The following OTUD7A variants were observed in gnomAD, a reference collection of about 807,000 sequenced individuals.
The protein encoded by OTUD7A is OTU deubiquitinase 7A.
In OTUD7A, 12 loss-of-function variants were observed where a neutral mutation model predicts 65.7. The ratio of observed to expected loss-of-function variants is 0.18; its 90% confidence interval spans 0.12 to 0.30. OTUD7A has a LOEUF of 0.30. Ranked by LOEUF, OTUD7A falls within the 10% of genes least tolerant of loss-of-function variation. OTUD7A has a pLI of 1.00. For missense variants in OTUD7A, 1,148 were observed against 1,304.8 expected (o/e 0.88, Z 1.85); for synonymous variants, 641 against 586.3 (o/e 1.09, Z -1.35).
chr15:31,673,373 C>T (rs1892527996), intron 1 of OTUD7A, among the ~76,000 whole-genome samples: 1 of 152,214 alleles, frequency 6.6e-6, no homozygotes, highest in Admixed American at 6.5e-5. Flanking sequence ...CATGGTAACA[C>T]TTGTTCTGAC....
intron 8 of OTUD7A, among the ~76,000 whole-genome samples, chr15:31,512,193 T>C (rs978565122): frequency 2.6e-5 from 4 of 152,174 alleles, no homozygotes; most frequent in Non-Finnish European, 5.9e-5. Context: ...TGTGCACAGT[T>C]TTCTGGTTCA....
At chr15:31,854,508 C>T (rs1897516488) in intron 1 of OTUD7A, among the ~76,000 whole-genome samples, 1 of 152,150 alleles carries the variant, frequency 6.6e-6, no homozygotes, top group Admixed American at 6.5e-5. Context: ...AGCTCTTGGT[C>T]CCCCACCTCC....
chr15:31,651,483 A>T (rs1363591385), intron 3 of OTUD7A, among the ~76,000 whole-genome samples: 2 of 152,010 alleles, frequency 1.3e-5, no homozygotes, highest in African/African-American at 2.4e-5. Flanking sequence ...TAAGACAAGA[A>T]AACCAGAAAG....
chr15:31,484,230 G>A lies in OTUD7A; in HGVS notation c.1866C>T (p.Ser622=), dbSNP rs1436524202. 2 of 1,605,362 alleles carry A rather than the reference G, an allele frequency of 1.2e-6. No individual in the cohort carries two copies. Among genetic ancestry groups the A allele is most frequent in the South Asian group, 2.2e-5 (2 of 90,434 alleles). Residue 622 remains serine (S), a synonymous_variant, in exon 13 of 13, where the codon AGC becomes AGT. Transcript: ENST00000307050. This position sits in a 1 kb window ranked among gnomAD's most constrained non-coding sequence, Gnocchi z 4.5. The stretch of plus-strand genomic sequence containing the variant: ...TGTTGAGGCTCAGCTTCACATCCGT[G>A]CTGTACTTCCAGGCGTCGCCCCGCG... ...GGPRGDAWKY[S]TDVKLSLNIL...
intron 1 of OTUD7A, among the ~76,000 whole-genome samples, chr15:31,667,073 C>G (rs1892340604): frequency 6.6e-6 from 1 of 152,160 alleles, no homozygotes; most frequent in Non-Finnish European, 1.5e-5. Flanking sequence ...GGAGAAACTT[C>G]CATGTGCTGT....
chr15:31,567,625 A>G (rs72726931), intron 4 of OTUD7A, among the ~76,000 whole-genome samples: 26,310 of 152,260 alleles, frequency 0.17, 2,467 homozygotes, highest in East Asian at 0.24. Context: ...GCTATTACCT[A>G]AGACAATGGA....
At chr15:31,690,193 T>G (rs566133143) in intron 1 of OTUD7A, among the ~76,000 whole-genome samples, 2 of 152,370 alleles carry the variant, frequency 1.3e-5, no homozygotes, top group East Asian at 3.8e-4. Flanking sequence ...TGAAATTGCT[T>G]TTGATTTTTG....
chr15:31,648,563 C>T (rs1891744616), intron 3 of OTUD7A, among the ~76,000 whole-genome samples: 1 of 152,180 alleles, frequency 6.6e-6, no homozygotes, highest in South Asian at 2.1e-4. Context: ...ACGTTCTTTT[C>T]TCCTGATCAC....
chr15:31,780,635 G>T (rs1426049800), intron 1 of OTUD7A, among the ~76,000 whole-genome samples: 1 of 152,204 alleles, frequency 6.6e-6, no homozygotes, highest in Non-Finnish European at 1.5e-5. Flanking sequence ...CATATGGGGA[G>T]AAAAGATGAG....
chr15:31,561,527 G>A (rs947685155), intron 4 of OTUD7A, among the ~76,000 whole-genome samples: 26 of 152,044 alleles, frequency 1.7e-4, no homozygotes, highest in Admixed American at 1.6e-3. Context: ...TGCTCCTCCC[G>A]GGCCCATCAA....
At chr15:31,565,177 T>C (rs981809823) in intron 4 of OTUD7A, among the ~76,000 whole-genome samples, 1 of 152,208 alleles carries the variant, frequency 6.6e-6, no homozygotes, top group Non-Finnish European at 1.5e-5. Context: ...ATAGCTTGAA[T>C]AATAGGCTGA....
intron 1 of OTUD7A, among the ~76,000 whole-genome samples, chr15:31,777,626 T>C (rs1393832456): frequency 6.6e-6 from 1 of 152,020 alleles, no homozygotes; most frequent in East Asian, 1.9e-4. Flanking sequence ...GCTGGGGTGC[T>C]ACTGCAGGCC....
chr15:31,644,277 C>T (rs750965658), intron 3 of OTUD7A, among the ~76,000 whole-genome samples: 1 of 152,160 alleles, frequency 6.6e-6, no homozygotes, highest in Non-Finnish European at 1.5e-5. Context: ...GGATCCCTCT[C>T]TGCTGCAGAG....
chr15:31,855,198 T>C (rs1190651759), intron 1 of OTUD7A, among the ~76,000 whole-genome samples: 3 of 152,230 alleles, frequency 2.0e-5, no homozygotes, highest in Admixed American at 1.3e-4. Flanking sequence ...GATACAGCAA[T>C]ACCAGCATCC....
intron 5 of OTUD7A, among the ~76,000 whole-genome samples, chr15:31,534,095 C>A (rs1887718356): frequency 6.6e-6 from 1 of 152,102 alleles, no homozygotes; most frequent in African/African-American, 2.4e-5. Context: ...CAACATTACC[C>A]TGATACCAAA....
At chr15:31,844,496 C>CATAAA (rs962955310) in intron 1 of OTUD7A, among the ~76,000 whole-genome samples, 12 of 152,210 alleles carry the variant, frequency 7.9e-5, no homozygotes, top group East Asian at 1.9e-4. Context: ...GACTCCGTCT[C>CATAAA]ATAAAATAAA....
chr15:31,771,276 G>A (rs76570468), intron 1 of OTUD7A, among the ~76,000 whole-genome samples: 2,122 of 152,204 alleles, frequency 0.014, 55 homozygotes, highest in African/African-American at 0.049. Flanking sequence ...TCTGGGTACC[G>A]GTTTATTGGA....
rs1300281752 is a variant in OTUD7A, at chr15:31,814,924, A to C, written c.-100+55583T>G. On this transcript the variant is annotated intron_variant, in intron 1 of 12. Coordinates refer to ENST00000307050, the MANE Select transcript of OTUD7A (RefSeq NM_001382637.1). ...GGGCCAAGTATCTATTCATTATACC[A>C]CAGCTCTGAGTAAATACCCTGCCTT... Among the ~76,000 whole-genome samples, 3 of 152,146 alleles carry C rather than the reference A, an allele frequency of 2.0e-5. No individual in the cohort carries two copies. The East Asian group carries it at 5.8e-4, about 29-fold the overall frequency.
chr15:31,763,804 T>C (rs1895033868), intron 1 of OTUD7A, among the ~76,000 whole-genome samples: 1 of 151,920 alleles, frequency 6.6e-6, no homozygotes, highest in Non-Finnish European at 1.5e-5. Flanking sequence ...CAAGGAAAAA[T>C]CACCGCATTA....
Sources: gnomAD v4.1 joint callset for allele counts (sites outside exome capture counted in the v4.1 genomes callset) on GRCh38, gnomAD v4.1.1 for gene constraint, Gnocchi (gnomAD v3.1) non-coding constraint, MANE v1.5 for transcripts, NCBI Gene and HGNC (gene_info 2026-07-23, HGNC 2026-07-21) for gene names.